RUNX1T1: variants seen among roughly 807,000 people sequenced by gnomAD.
RUNX1T1 encodes protein CBFA2T1.
In RUNX1T1, 4 loss-of-function variants were observed where a neutral mutation model predicts 62.8. That is an observed-to-expected ratio of 0.06 (90% CI 0.03 to 0.15). RUNX1T1 has a LOEUF of 0.15. Ranked by LOEUF, RUNX1T1 falls within the 10% of genes least tolerant of loss-of-function variation. RUNX1T1 has a pLI of 1.00. For synonymous variants in RUNX1T1, 291 were observed against 286.0 expected (o/e 1.02, Z -0.18); for missense variants, 508 against 754.3 (o/e 0.67, Z 3.82).
At chr8:91,975,692 T>C (rs1293727062) in intron 9 of RUNX1T1, among the ~76,000 whole-genome samples, 1 of 152,322 alleles carries the variant, frequency 6.6e-6, no homozygotes, top group African/African-American at 2.4e-5. Context: ...AACTGGCAGA[T>C]GTTACTAAAA....
At chr8:92,035,479 G>A (rs2131352391) in intron 1 of RUNX1T1, among the ~76,000 whole-genome samples, 1 of 151,836 alleles carries the variant, frequency 6.6e-6, no homozygotes, top group East Asian at 1.9e-4. Flanking sequence ...ATCTGCACTT[G>A]TACACTCTAA....
intron 3 of RUNX1T1, among the ~76,000 whole-genome samples, chr8:92,012,069 C>T (rs1334177955): frequency 6.6e-6 from 1 of 152,136 alleles, no homozygotes; most frequent in Non-Finnish European, 1.5e-5. Flanking sequence ...CTTTTTTGTG[C>T]ATGTTTCCTT....
At chr8:91,957,109 C>A (rs1809512657), downstream of RUNX1T1, 2 of 217,526 alleles carry the variant, frequency 9.2e-6, no homozygotes, top group East Asian at 1.4e-4. Context: ...TCAGCGACCA[C>A]CATTCAATTC....
chr8:92,046,333 C>T (rs1829395363), intron 1 of RUNX1T1, among the ~76,000 whole-genome samples: 1 of 151,976 alleles, frequency 6.6e-6, no homozygotes, highest in Admixed American at 6.6e-5. Context: ...CAAATAATGC[C>T]CCTTAGTATG....
chr8:92,062,494 T>C lies in RUNX1T1; in HGVS notation c.7+52A>G, dbSNP rs1587409330. 5 of 1,572,048 alleles carry C rather than the reference T, an allele frequency of 3.2e-6. No individual in the cohort carries two copies. The East Asian group carries it at 1.1e-4, about 35-fold the overall frequency. On this transcript the variant is annotated intron_variant, in intron 1 of 10. Transcript: ENST00000396218. Reference sequence around the variant, plus strand: ...GGTATTTTCCATGCATAATAGAAAGTAAGCTTTCTTCATTGGAAAAACAGA... The same window carrying C: ...GGTATTTTCCATGCATAATAGAAAGCAAGCTTTCTTCATTGGAAAAACAGA...
chr8:92,074,029 CAAAG>C (rs1834057078), intron 2 of RUNX1T1, among the ~76,000 whole-genome samples: 1 of 151,964 alleles, frequency 6.6e-6, no homozygotes, highest in South Asian at 2.1e-4. Flanking sequence ...ACATGGAAAA[CAAAG>C]AAAACCCAAC....
downstream of RUNX1T1, chr8:91,956,327 C>T (rs936927234): frequency 8.7e-6 from 2 of 230,548 alleles, no homozygotes; most frequent in African/African-American, 4.5e-5. Flanking sequence ...AAAGTTCTGA[C>T]ATCATTCCCT....
chr8:92,062,038 C>T (rs1254706494), intron 1 of RUNX1T1, among the ~76,000 whole-genome samples: 1 of 152,168 alleles, frequency 6.6e-6, no homozygotes, highest in African/African-American at 2.4e-5. Flanking sequence ...TGTCTGATGA[C>T]ATCTAAGGGC....
upstream of RUNX1T1, chr8:92,103,293 T>G (rs966545527): frequency 2.8e-5 from 6 of 218,014 alleles, no homozygotes; most frequent in Non-Finnish European, 3.7e-5. Flanking sequence ...CCTCGCTCAC[T>G]CTCGAGGAAG....
chr8:91,999,433 T>C (rs1020402343), intron 5 of RUNX1T1, among the ~76,000 whole-genome samples: 1 of 152,126 alleles, frequency 6.6e-6, no homozygotes, highest in African/African-American at 2.4e-5. Context: ...GAGAGAACTA[T>C]AGGAAAGAAT....
At chr8:92,003,796 C>A (rs925213487) in intron 5 of RUNX1T1, among the ~76,000 whole-genome samples, 25 of 152,186 alleles carry the variant, frequency 1.6e-4, no homozygotes, top group African/African-American at 6.0e-4. Flanking sequence ...AGCTAAAGCA[C>A]TAAGTGCTCT....
rs180844598 is a variant in RUNX1T1 at position 92,046,928 on chromosome 8, G to A, written c.7+15618C>T. 1.1e-3 allele frequency among the ~76,000 whole-genome samples: 166 copies of A among 152,242 alleles called. 1 individual carries two copies. The highest frequency in any genetic ancestry group is 1.8e-3 in the Non-Finnish European group (121 of 68,012). On this transcript the variant is annotated intron_variant, in intron 1 of 10. Coordinates refer to ENST00000396218, the Ensembl canonical transcript of RUNX1T1. ...CTGGAGGCATGGAATAATAAATGAC[G>A]GGAGTAACCATGAGGCCCAGTGAGG...
intron 1 of RUNX1T1, among the ~76,000 whole-genome samples, chr8:92,094,371 T>C (rs753624094): frequency 1.3e-5 from 2 of 152,240 alleles, no homozygotes; most frequent in East Asian, 1.9e-4. Context: ...GATATTACAA[T>C]GTTTCAAATA....
upstream of RUNX1T1, among the ~76,000 whole-genome samples, chr8:92,064,553 T>G (rs558568859): frequency 6.6e-6 from 1 of 152,304 alleles, no homozygotes; most frequent in Non-Finnish European, 1.5e-5. Context: ...TCCAGCATCC[T>G]AAATTAGTAG....
upstream of RUNX1T1, among the ~76,000 whole-genome samples, chr8:92,065,866 G>A (rs547101908): frequency 2.0e-5 from 3 of 152,116 alleles, no homozygotes; most frequent in African/African-American, 7.2e-5. Context: ...TCACACAGTG[G>A]GTATTAAGTG....
chr8:92,094,782 T>G (rs1837540922), intron 1 of RUNX1T1, among the ~76,000 whole-genome samples: 1 of 152,080 alleles, frequency 6.6e-6, no homozygotes, highest in Non-Finnish European at 1.5e-5. Flanking sequence ...ATAAGACATT[T>G]TAAGTCATTC....
intron 1 of RUNX1T1, chr8:92,062,435 G>GCC: frequency 2.5e-6 from 3 of 1,213,724 alleles, no homozygotes; most frequent in Non-Finnish European, 3.7e-6. Context: ...GCCTCTTCCT[G>GCC]CCCACATCAG....
At chr8:92,052,081 T>C (rs1481095993) in intron 1 of RUNX1T1, among the ~76,000 whole-genome samples, 1 of 152,112 alleles carries the variant, frequency 6.6e-6, no homozygotes, top group Non-Finnish European at 1.5e-5. Context: ...ACTGAAGGCC[T>C]ACCAAGCACA....
chr8:92,072,036 T>G (rs985635400), intron 2 of RUNX1T1, among the ~76,000 whole-genome samples: 2 of 152,208 alleles, frequency 1.3e-5, no homozygotes, highest in African/African-American at 4.8e-5. Context: ...AAAAAGTACC[T>G]TAATGGCAGA....
Sources: allele counts gnomAD v4.1 joint callset (sites outside exome capture counted in the v4.1 genomes callset), GRCh38; gene constraint gnomAD v4.1.1; transcripts MANE v1.5; gene names NCBI Gene and HGNC (gene_info 2026-07-23, HGNC 2026-07-21).